PDLIM3: variants seen among roughly 807,000 people sequenced by gnomAD.
PDLIM3 encodes the protein PDZ and LIM domain protein 3.
A neutral mutation model predicts 37.3 loss-of-function variants in PDLIM3; 36 were observed. The ratio of observed to expected loss-of-function variants is 0.97; its 90% CI spans 0.74 to 1.28. The LOEUF is 1.28. Ranked by LOEUF, PDLIM3 falls within the 50% of genes most tolerant of loss-of-function variation. The pLI, the probability that PDLIM3 is intolerant of heterozygous loss-of-function variation, is 0.00. For missense variants in PDLIM3, 454 were observed against 485.0 expected, an observed-to-expected ratio of 0.94 and a Z score of 0.60; for synonymous variants, 174 against 182.4, an observed-to-expected ratio of 0.95 and a Z score of 0.37.
At chr4:185,512,531 G>A (rs1275889161) in intron 4 of PDLIM3, 7 of 273,158 alleles carry the variant, frequency 2.6e-5, no homozygotes, top group South Asian at 1.4e-4. Flanking sequence ...TTATCCCTAT[G>A]TTTAAGTTAA....
At chr4:185,532,437 G>A (rs938666531) in intron 1 of PDLIM3, among the ~76,000 whole-genome samples, 1 of 152,198 alleles carries the variant, frequency 6.6e-6, no homozygotes, top group Non-Finnish European at 1.5e-5. Flanking sequence ...TCAACCGGAT[G>A]AGATGGTTGT....
intron 1 of PDLIM3, among the ~76,000 whole-genome samples, chr4:185,528,473 C>T (rs1261852868): frequency 6.6e-6 from 1 of 152,190 alleles, no homozygotes; most frequent in Non-Finnish European, 1.5e-5. Flanking sequence ...CCATCTTATA[C>T]TTATGCAAAA....
intron 1 of PDLIM3, among the ~76,000 whole-genome samples, chr4:185,534,479 A>G (rs867268275): frequency 5.3e-4 from 80 of 152,358 alleles, no homozygotes; most frequent in Middle Eastern, 3.4e-3. Context: ...TTAGAAAAAA[A>G]CCAGCTAGAC....
Position 185,502,247 on chromosome 4 carries a change from A to C in PDLIM3, c.*47T>G, listed in dbSNP as rs1159957437. ...CAAAGCCATGAATGTCTTCTCGTGTAAGTGCGCGTGGGTGGGTGCGTGCGT... is the reference window on the plus strand; with the variant it reads ...CAAAGCCATGAATGTCTTCTCGTGTCAGTGCGCGTGGGTGGGTGCGTGCGT... On this transcript the variant is annotated 3_prime_UTR_variant, in exon 8 of 8. Coordinates refer to ENST00000284767, the MANE Select transcript of PDLIM3 (RefSeq NM_014476.6). The C allele has an allele frequency of 2.5e-6, 4 of 1,571,124 alleles. No homozygotes were observed. Among genetic ancestry groups the C allele is most frequent in the Non-Finnish European group, 3.5e-6 (4 of 1,141,386 alleles).
Position 185,514,060 on chromosome 4 carries a change from GCT to G in PDLIM3, c.398+208_398+209del. 1.4e-6 allele frequency: 2 copies of G among 1,452,782 alleles called. No homozygotes were observed. The highest frequency in any genetic ancestry group is 1.4e-5 in the South Asian group (1 of 70,776). 90.0% of individuals were successfully genotyped at this position (1,452,782 alleles called of 1,614,324 possible). On this transcript the variant is annotated intron_variant, in intron 4 of 7. Coordinates refer to ENST00000284767, the MANE Select transcript of PDLIM3 (RefSeq NM_014476.6). This position sits in a 1 kb window ranked among gnomAD's most constrained non-coding sequence, Gnocchi z 4.0. The stretch of plus-strand genomic sequence containing the variant: ...CGTGGTGATTGCATACAATTTCACA[GCT>G]CTGTCATCTTGTCAATATTTACTCT...
At chr4:185,506,006 C>T (rs1043593225) in intron 6 of PDLIM3, among the ~76,000 whole-genome samples, 2 of 151,730 alleles carry the variant, frequency 1.3e-5, no homozygotes, top group East Asian at 3.8e-4. Context: ...GCTATGTGGC[C>T]TTTCACAAGG....
intron 1 of PDLIM3, among the ~76,000 whole-genome samples, chr4:185,528,098 C>A (rs373924250): frequency 2.2e-5 from 3 of 135,726 alleles, no homozygotes; most frequent in Admixed American, 7.5e-5. Context: ...AAACAAAACA[C>A]ACAAGCAGGT....
intron 4 of PDLIM3, chr4:185,513,517 CT>C (rs11359195): frequency 0.31 from 210,911 of 677,940 alleles, 3,753 homozygotes; most frequent in Middle Eastern, 0.39. Context: ...CACTTAAATT[CT>C]TTTTTTTTTT....
chr4:185,511,810 A>C (rs941700707), intron 4 of PDLIM3, among the ~76,000 whole-genome samples: 1 of 152,204 alleles, frequency 6.6e-6, no homozygotes, highest in Non-Finnish European at 1.5e-5. Flanking sequence ...TTACTGCTCG[A>C]GGTGATGGAT....
chr4:185,527,199 T>C (rs141132941), intron 1 of PDLIM3, among the ~76,000 whole-genome samples: 1 of 152,338 alleles, frequency 6.6e-6, no homozygotes, highest in African/African-American at 2.4e-5. Context: ...GTCATTGCTA[T>C]GTTTGTGAGT....
At chr4:185,519,678 G>GA (rs1281950901) in intron 3 of PDLIM3, among the ~76,000 whole-genome samples, 5 of 151,954 alleles carry the variant, frequency 3.3e-5, no homozygotes, top group Admixed American at 2.0e-4. Flanking sequence ...TATTCACAGG[G>GA]GAAAAAAACC....
chr4:185,522,767 ATTAGT>A lies in PDLIM3; in HGVS notation c.330+590_330+594del, dbSNP rs2153337694. 3.0e-5 allele frequency among the ~76,000 whole-genome samples: 2 copies of A among 67,006 alleles called. 1 individual carries two copies. The highest frequency in any genetic ancestry group is 1.1e-3 in the South Asian group (2 of 1,900). 44.0% of individuals were successfully genotyped at this position (67,006 alleles called of 152,430 possible). A position where few individuals can be genotyped will look rare whatever the true frequency, so the allele number is the denominator to read the frequency against. On this transcript the variant is annotated intron_variant, in intron 3 of 7. Transcript: ENST00000284767. ...AGTAGACATAGATAAGCATCAGATG[ATTAGT>A]TTAGTTTATTACAGTTGCCTCCAGA...
chr4:185,508,282 A>G lies in PDLIM3; in HGVS notation c.662+17T>C, dbSNP rs1394271191. 5 of 1,613,210 alleles carry G rather than the reference A, an allele frequency of 3.1e-6. No homozygotes were observed. Among genetic ancestry groups the G allele is most frequent in the Non-Finnish European group, 4.2e-6 (5 of 1,179,262 alleles). ...TGTTTAGTTAATATGCCCATGGTTCAAAGAGACTCATATTACCTCATCAAA... is the reference window on the plus strand; with the variant it reads ...TGTTTAGTTAATATGCCCATGGTTCGAAGAGACTCATATTACCTCATCAAA... On this transcript the variant is annotated intron_variant, in intron 5 of 7. Transcript: ENST00000284767.
chr4:185,510,241 A>G (rs1580242354), intron 4 of PDLIM3, among the ~76,000 whole-genome samples: 1 of 152,320 alleles, frequency 6.6e-6, no homozygotes, highest in East Asian at 1.9e-4. Context: ...TGAAACACAG[A>G]GTTAAATCCT....
intron 1 of PDLIM3, among the ~76,000 whole-genome samples, chr4:185,528,356 C>T (rs1253912051): frequency 2.0e-5 from 3 of 152,116 alleles, no homozygotes; most frequent in South Asian, 2.1e-4. Flanking sequence ...TAGAGCCATA[C>T]CCCTGATATT....
At chr4:185,528,743 C>G (rs913244557) in intron 1 of PDLIM3, among the ~76,000 whole-genome samples, 4 of 152,090 alleles carry the variant, frequency 2.6e-5, no homozygotes, top group Non-Finnish European at 5.9e-5. Context: ...TCTAAGGAGA[C>G]AGTTGATGAG....
Position 185,513,173 on chromosome 4 carries a change from A to G in PDLIM3, c.398+1097T>C, listed in dbSNP as rs28540468. ...CCTGCAGACACTGAGCTCACGTTCT[A>G]GGGGGGGGAAGATGTGTTTGCTCAT... On this transcript the variant is annotated intron_variant, in intron 4 of 7. Transcript: ENST00000284767. The G allele has an allele frequency of 0.011, 10,826 of 964,286 alleles. 886 individuals carry two copies. The African/African-American group carries it at 0.24, about 21-fold the overall frequency. The allele number at this position is 964,286 out of a possible 1,614,324, so 59.7% of individuals were successfully genotyped here.
At chr4:185,503,010 A>G (rs767280278) in intron 7 of PDLIM3, among the ~76,000 whole-genome samples, 35 of 152,196 alleles carry the variant, frequency 2.3e-4, no homozygotes, top group Admixed American at 9.2e-4. Flanking sequence ...GGCAGATCAC[A>G]AGGTCAGGAG....
In PDLIM3 at chr4:185,502,254, C is replaced by T. The variant is rs760353439; in HGVS notation, c.*40G>A. 1.4e-5 allele frequency: 22 copies of T among 1,593,594 alleles called. No individual in the cohort carries two copies. The highest frequency in any genetic ancestry group is 3.3e-5 in the South Asian group (3 of 90,674). ...ATGAATGTCTTCTCGTGTAAGTGCG[C>T]GTGGGTGGGTGCGTGCGTGCGTGCC... On this transcript the variant is annotated 3_prime_UTR_variant, in exon 8 of 8. Transcript: ENST00000284767.
Sources: gnomAD v4.1 joint callset for allele counts (sites outside exome capture counted in the v4.1 genomes callset) on GRCh38, gnomAD v4.1.1 for gene constraint, Gnocchi (gnomAD v3.1) non-coding constraint, MANE v1.5 for transcripts, NCBI Gene and HGNC (gene_info 2026-07-23, HGNC 2026-07-21) for gene names.